Variants in ANKIB1 observed in about 807,000 individuals in gnomAD.
ANKIB1 encodes the protein ankyrin repeat and IBR domain containing 1.
In ANKIB1, 43 loss-of-function variants were observed where a neutral mutation model predicts 122.1. The observed-to-expected ratio is 0.35, with a 90% CI of 0.28 to 0.45. The LOEUF (loss-of-function observed/expected upper bound fraction) is 0.45. Among genes scored for constraint, ANKIB1 ranks in the 20% least tolerant of loss-of-function variants. ANKIB1 has a pLI of 1.00. For synonymous variants in ANKIB1, 390 were observed against 442.0 expected (o/e 0.88, Z 1.48); for missense variants, 992 against 1,329.5 (o/e 0.75, Z 3.95).
chr7:92,328,304 A>G (rs1245843235), intron 5 of ANKIB1, among the ~76,000 whole-genome samples: 8 of 152,196 alleles, frequency 5.3e-5, no homozygotes. Context: ...GAATTGTGCT[A>G]TTAGTATTGT....
At chr7:92,340,829 T>A (rs1803421895) in intron 5 of ANKIB1, among the ~76,000 whole-genome samples, 1 of 152,200 alleles carries the variant, frequency 6.6e-6, no homozygotes, top group Non-Finnish European at 1.5e-5. Context: ...GATAGGTAAT[T>A]CATAGAAGAG....
chr7:92,257,749 G>A (rs554885455), intron 1 of ANKIB1, among the ~76,000 whole-genome samples: 3 of 152,288 alleles, frequency 2.0e-5, no homozygotes, highest in East Asian at 1.9e-4. Context: ...CAGAGATCGC[G>A]CCATTGTGCT....
chr7:92,357,744 A>G (rs1398344949), intron 9 of ANKIB1, among the ~76,000 whole-genome samples: 14 of 150,852 alleles, frequency 9.3e-5, no homozygotes, highest in South Asian at 6.2e-4. Flanking sequence ...AAAAAAAAAA[A>G]AAAAAGAAAA....
intron 10 of ANKIB1, among the ~76,000 whole-genome samples, chr7:92,367,299 C>T (rs913418708): frequency 1.3e-5 from 2 of 152,142 alleles, no homozygotes; most frequent in Non-Finnish European, 2.9e-5. Flanking sequence ...TTTGTGTCCT[C>T]CACACTGAAA....
intron 1 of ANKIB1, among the ~76,000 whole-genome samples, chr7:92,249,866 C>G (rs1336195992): frequency 6.6e-6 from 1 of 152,046 alleles, no homozygotes. Context: ...AAAGATCTCC[C>G]CCCCCACACG....
At chr7:92,347,980 A>G (rs760084992) in intron 7 of ANKIB1, 2 of 448,646 alleles carry the variant, frequency 4.5e-6, no homozygotes, top group South Asian at 1.6e-5. Flanking sequence ...TACCTATGAT[A>G]TCATCTGTGA....
chr7:92,319,656 T>C, intron 4 of ANKIB1, 144 bp downstream of exon 4: 1 of 859,796 alleles, frequency 1.2e-6, no homozygotes, highest in Non-Finnish European at 1.7e-6. Flanking sequence ...AGCCATAAAG[T>C]ATAAAAATAC....
chr7:92,308,313 C>T (rs1024521989), intron 3 of ANKIB1, among the ~76,000 whole-genome samples: 2 of 152,058 alleles, frequency 1.3e-5, no homozygotes, highest in Admixed American at 6.6e-5. Context: ...ATCAATTAAG[C>T]ACTATCGTAT....
chr7:92,261,551 G>A (rs1801565468), intron 1 of ANKIB1, among the ~76,000 whole-genome samples: 1 of 152,108 alleles, frequency 6.6e-6, no homozygotes, highest in Non-Finnish European at 1.5e-5. Flanking sequence ...TTTGCTTTTA[G>A]ATGACTTTAT....
intron 1 of ANKIB1, among the ~76,000 whole-genome samples, chr7:92,287,069 G>A (rs2131909195): frequency 6.6e-6 from 1 of 152,250 alleles, no homozygotes; most frequent in East Asian, 1.9e-4. Flanking sequence ...TTATTTTTAA[G>A]TAATTTTAGA....
intron 16 of ANKIB1, 46 bp downstream of exon 16, chr7:92,391,390 A>G (rs764886258): frequency 4.9e-6 from 7 of 1,421,682 alleles, no homozygotes; most frequent in African/African-American, 2.9e-5. Context: ...TCCAGCCACA[A>G]ATACCAGCAG....
intron 7 of ANKIB1, among the ~76,000 whole-genome samples, chr7:92,346,523 A>G (rs1337545996): frequency 6.6e-6 from 1 of 152,226 alleles, no homozygotes; most frequent in African/African-American, 2.4e-5. Context: ...CTTTTAAGAC[A>G]TAGACTAGAT....
chr7:92,384,767 TAAAACCATA>T (rs1275145578), intron 11 of ANKIB1, among the ~76,000 whole-genome samples: 1 of 152,076 alleles, frequency 6.6e-6, no homozygotes, highest in East Asian at 1.9e-4. Context: ...CTATTAGACC[TAAAACCATA>T]AAAACCGTAG....
rs577222506 is a variant in ANKIB1, at chr7:92,380,244, T to C, written c.1618-6265T>C. ...AAACGGCTGGGAAGCTCAAACTGGG[T>C]GGAGCCCACCACAGCTCAACAAGGC... On this transcript the variant is annotated intron_variant, in intron 11 of 19. Coordinates refer to ENST00000265742, the MANE Select transcript of ANKIB1 (RefSeq NM_019004.2). Among the ~76,000 whole-genome samples, 17 of 152,270 alleles carry C rather than the reference T, an allele frequency of 1.1e-4. No individual in the cohort carries two copies. In the East Asian group the frequency reaches 3.1e-3, roughly 28 times the overall value.
At chr7:92,312,728 T>A (rs1300290197) in intron 3 of ANKIB1, among the ~76,000 whole-genome samples, 1 of 152,184 alleles carries the variant, frequency 6.6e-6, no homozygotes, top group African/African-American at 2.4e-5. Flanking sequence ...ATATGTAAAA[T>A]AACATTATCA....
chr7:92,359,561 A>C (rs1803896845), intron 9 of ANKIB1, among the ~76,000 whole-genome samples: 1 of 152,164 alleles, frequency 6.6e-6, no homozygotes, highest in South Asian at 2.1e-4. Context: ...TAGCAGCATG[A>C]TTTATAATCC....
At chr7:92,336,924 A>G (rs1279007354) in intron 5 of ANKIB1, among the ~76,000 whole-genome samples, 2 of 152,150 alleles carry the variant, frequency 1.3e-5, no homozygotes, top group Admixed American at 6.6e-5. Context: ...TTGGTCTGAT[A>G]GTAGCTACTT....
chr7:92,389,859 T>C (rs1804747627), intron 14 of ANKIB1, 112 bp from the exon 15 acceptor site: 20 of 1,127,882 alleles, frequency 1.8e-5, no homozygotes, highest in Non-Finnish European at 2.3e-5. Flanking sequence ...AAACAGTTTT[T>C]GTCCTAATGA....
chr7:92,287,965 G>A (rs575587541), intron 1 of ANKIB1, among the ~76,000 whole-genome samples: 2 of 151,334 alleles, frequency 1.3e-5, no homozygotes, highest in African/African-American at 4.9e-5. Context: ...GAACCTGGGA[G>A]GTGGAGCTTG....
Sources: allele counts gnomAD v4.1 joint callset (sites outside exome capture counted in the v4.1 genomes callset), GRCh38; gene constraint gnomAD v4.1.1; transcripts MANE v1.5; gene names NCBI Gene and HGNC (gene_info 2026-07-23, HGNC 2026-07-21).